Variants in CCR1 observed in about 807,000 individuals in gnomAD.
CCR1 encodes the protein C-C motif chemokine receptor 1, also known as C-C chemokine receptor type 1.
A neutral mutation model predicts 0.3 loss-of-function variants in CCR1; 1 was observed. The observed-to-expected ratio is 3.70, with a 90% confidence interval of 1.31 to 17.54. The LOEUF (loss-of-function observed/expected upper bound fraction) is 17.54, where lower values mean the gene tolerates loss of function less well. Ranked by LOEUF, CCR1 falls within the 30% of genes most tolerant of loss-of-function variation. The pLI is 0.11. For missense variants in CCR1, 349 were observed against 435.4 expected (o/e 0.80, Z 1.77); for synonymous variants, 207 against 182.5 (o/e 1.13, Z -1.08).
intron 1 of CCR1, among the ~76,000 whole-genome samples, chr3:46,204,890 G>A (rs1048004525): frequency 2.0e-5 from 3 of 152,154 alleles, no homozygotes; most frequent in East Asian, 1.9e-4. Flanking sequence ...TGCTGTCCCC[G>A]AGCAGTAGCT....
Position 46,203,826 on chromosome 3 carries a change from A to T in CCR1, c.488T>A (p.Leu163Ter). 6.2e-7 allele frequency: 1 copy of T among 1,614,222 alleles called. No individual in the cohort carries two copies. Among genetic ancestry groups the T allele is most frequent in the Non-Finnish European group, 8.5e-7 (1 of 1,180,034 alleles). The change falls in exon 2 of 2, where the codon TTG (leucine) becomes TAG (stop). Residue 163 changes from leucine (L) to a stop codon, truncating the protein, a stop_gained. Coordinates refer to ENST00000296140, the MANE Select transcript of CCR1 (RefSeq NM_001295.3). LOFTEE classifies it low-confidence loss of function (END_TRUNC). The surrounding 1 kb of genome is among the most constrained non-coding windows in gnomAD (Gnocchi z 4.5). Reference sequence around the variant, plus strand: ...AAAGTATAAGCCTGGCATGGAAGCCAAGATGGCCAGGGCCCAAATGATGAT... The same window carrying T: ...AAAGTATAAGCCTGGCATGGAAGCCTAGATGGCCAGGGCCCAAATGATGAT... Reference protein sequence around the residue: ...TSIIIWALAILASMPGLYFSK... With the variant: ...TSIIIWALAI
chr3:46,203,897 C>A lies in CCR1; in HGVS notation c.417G>T (p.Val139=). The change falls in exon 2 of 2, where the codon GTG becomes GTT. Residue 139 remains valine, a synonymous_variant. Transcript: ENST00000296140. This position sits in a 1 kb window ranked among gnomAD's most constrained non-coding sequence, Gnocchi z 4.5. ...TGACGGTCCGTGCCCGCAAGGCAAA[C>A]ACGGCGTGGACGATGGCCAGGTACC... ...IDRYLAIVHA[V]FALRARTVTF... 1 of 1,614,178 alleles carries A rather than the reference C, an allele frequency of 6.2e-7. No individual in the cohort carries two copies. The highest frequency in any genetic ancestry group is 8.5e-7 in the Non-Finnish European group (1 of 1,180,030).
chr3:46,207,111 A>G (rs1458598930), intron 1 of CCR1, among the ~76,000 whole-genome samples: 1 of 152,200 alleles, frequency 6.6e-6, no homozygotes, highest in African/African-American at 2.4e-5. Context: ...CAAATGTTAT[A>G]AAGCAGGGAT....
At position 46,203,332 on chromosome 3, in the gene CCR1, G is replaced by A. The variant is rs781769501; in HGVS notation, c.982C>T (p.Leu328Phe). Residue 328 changes from leucine to phenylalanine, a missense_variant, in exon 2 of 2, where the codon CTC (leucine) becomes TTC (phenylalanine). Leu to Phe is a conservative substitution (Grantham distance 22). Coordinates refer to ENST00000296140, the MANE Select transcript of CCR1 (RefSeq NM_001295.3). This position sits in a 1 kb window ranked among gnomAD's most constrained non-coding sequence, Gnocchi z 4.5. ...AGCCTGTCCACGGAGAGGAAGGGGA[G>A]CCATTTAACCAGGTGCACAGCCACA... ...RRVAVHLVKWLPFLSVDRLER... is the reference protein window; with the variant it reads ...RRVAVHLVKWFPFLSVDRLER... 17 of 1,614,188 alleles carry A rather than the reference G, an allele frequency of 1.1e-5. No individual in the cohort carries two copies. In the South Asian group the frequency reaches 1.8e-4, roughly 17 times the overall value.
At chr3:46,205,716 A>G (rs1248359988) in intron 1 of CCR1, among the ~76,000 whole-genome samples, 1 of 152,114 alleles carries the variant, frequency 6.6e-6, no homozygotes, top group Non-Finnish European at 1.5e-5. Flanking sequence ...TTGCAAGGCT[A>G]CTGTGAGGTA....
rs1200706699 is a variant in CCR1 at position 46,203,539 on chromosome 3, T to A, written c.775A>T (p.Ile259Leu). 1 of 1,614,070 alleles carries A rather than the reference T, an allele frequency of 6.2e-7. No individual in the cohort carries two copies. Among genetic ancestry groups the A allele is most frequent in the East Asian group, 2.2e-5 (1 of 44,874 alleles). The change falls in exon 2 of 2, where the codon ATA (isoleucine) becomes TTA (leucine). Residue 259 changes from isoleucine to leucine, a missense_variant. Coordinates refer to ENST00000296140, the MANE Select transcript of CCR1 (RefSeq NM_001295.3). The surrounding 1 kb of genome is among the most constrained non-coding windows in gnomAD (Gnocchi z 4.5). ...AAGTCTTGGAAAACAGAAATAAGTATAGTCAAATTGTAGGGGGTCCAAAAG... is the reference window on the plus strand; with the variant it reads ...AAGTCTTGGAAAACAGAAATAAGTAAAGTCAAATTGTAGGGGGTCCAAAAG... ...FLFWTPYNLT[I>L]LISVFQDFLF... is the part of the protein sequence containing the mutation.
At chr3:46,206,949 G>A (rs1168386514) in intron 1 of CCR1, among the ~76,000 whole-genome samples, 1 of 152,176 alleles carries the variant, frequency 6.6e-6, no homozygotes, top group Non-Finnish European at 1.5e-5. Context: ...AGAGCAGTCT[G>A]TGATGGTGAA....
rs1157316836 is a variant in CCR1, at chr3:46,203,234, C to T, written c.*12G>A. Reference sequence around the variant, plus strand: ...CGCCTGCTTATTTTGGGTTGGCCTCCTATGGTCTGAGTCAGAACCCAGCAG... The same window carrying T: ...CGCCTGCTTATTTTGGGTTGGCCTCTTATGGTCTGAGTCAGAACCCAGCAG... On this transcript the variant is annotated 3_prime_UTR_variant, in exon 2 of 2. Transcript: ENST00000296140. This position sits in a 1 kb window ranked among gnomAD's most constrained non-coding sequence, Gnocchi z 4.5. 2 of 1,600,342 alleles carry T rather than the reference C, an allele frequency of 1.2e-6. No homozygotes were observed. The highest frequency in any genetic ancestry group is 2.7e-5 in the African/African-American group (2 of 74,634).
chr3:46,204,725 C>T (rs564574346), intron 1 of CCR1, among the ~76,000 whole-genome samples: 2 of 152,140 alleles, frequency 1.3e-5, no homozygotes, highest in Non-Finnish European at 2.9e-5. Context: ...TGGAGGGGTC[C>T]CATTGTTGTT....
rs77943510 is a variant in CCR1, at chr3:46,207,960, G to A, written c.-12+322C>T. Among the ~76,000 whole-genome samples the A allele has an allele frequency of 2.0e-3, 301 of 152,172 alleles. 1 individual carries two copies. Among genetic ancestry groups the A allele is most frequent in the African/African-American group, 6.7e-3 (280 of 41,508 alleles). The stretch of plus-strand genomic sequence containing the variant: ...CCGCCAAGTAATTTCTTATTGAATA[G>A]GTTTCCACAGAAAACACCTTTTGTC... On this transcript the variant is annotated intron_variant, in intron 1 of 1. Transcript: ENST00000296140.
chr3:46,203,912 G>A lies in CCR1; in HGVS notation c.402C>T (p.Ala134=). ...IILLTIDRYL[A]IVHAVFALRA... Reference sequence around the variant, plus strand: ...GCAAGGCAAACACGGCGTGGACGATGGCCAGGTACCTGTCAATCGTCAGCA... The same window carrying A: ...GCAAGGCAAACACGGCGTGGACGATAGCCAGGTACCTGTCAATCGTCAGCA... The change falls in exon 2 of 2, where the codon GCC becomes GCT. Residue 134 remains alanine (A), a synonymous_variant. Transcript: ENST00000296140. The surrounding 1 kb of genome is among the most constrained non-coding windows in gnomAD (Gnocchi z 4.5). 1 of 1,614,158 alleles carries A rather than the reference G, an allele frequency of 6.2e-7. No individual in the cohort carries two copies. Among genetic ancestry groups the A allele is most frequent in the Non-Finnish European group, 8.5e-7 (1 of 1,180,040 alleles).
At position 46,203,626 on chromosome 3, in the gene CCR1, G is replaced by T; in HGVS notation, c.688C>A (p.Pro230Thr). 6.2e-7 allele frequency: 1 copy of T among 1,614,186 alleles called. No homozygotes were observed. The highest frequency in any genetic ancestry group is 8.5e-7 in the Non-Finnish European group (1 of 1,180,028). ...ACAGCTTTGGATTTCTTCTCATTTG[G>T]TCGTCTTAGCAGAATCTTTATAATC... ...TGIIKILLRR[P>T]NEKKSKAVRL... is the part of the protein sequence containing the mutation. The change falls in exon 2 of 2, where the codon CCA becomes ACA. Residue 230 changes from proline to threonine, a missense_variant. Physicochemically the swap from Pro to Thr is conservative, Grantham distance 38. Transcript: ENST00000296140. The surrounding 1 kb of genome is among the most constrained non-coding windows in gnomAD (Gnocchi z 4.5).
intron 1 of CCR1, among the ~76,000 whole-genome samples, chr3:46,205,408 T>C (rs1699638324): frequency 6.6e-6 from 1 of 152,194 alleles, no homozygotes; most frequent in African/African-American, 2.4e-5. Flanking sequence ...TATGAGGTGA[T>C]GTTACACAGT....
rs1699624844 is a variant in CCR1 at position 46,204,070 on chromosome 3, G to A, written c.244C>T (p.Leu82Phe). 1 of 1,614,190 alleles carries A rather than the reference G, an allele frequency of 6.2e-7. No individual in the cohort carries two copies. The highest frequency in any genetic ancestry group is 2.2e-5 in the East Asian group (1 of 44,876). The change falls in exon 2 of 2, where the codon CTC becomes TTC. Residue 82 changes from leucine to phenylalanine, a missense_variant. By Grantham distance (22) the Leu-to-Phe change is conservative (BLOSUM62 0). Transcript: ENST00000296140. ...YLLNLAISDL[L>F]FLFTLPFWID... is the part of the protein sequence containing the mutation. ...CAGAAGGGAAGCGTGAACAGGAAGA[G>A]CAGGTCAGAAATGGCCAGGTTCAGG...
At position 46,204,233 on chromosome 3, in the gene CCR1, C is replaced by T; in HGVS notation, c.81G>A (p.Val27=). The change falls in exon 2 of 2, where the codon GTG becomes GTA. Residue 27 remains valine, a synonymous_variant. Transcript: ENST00000296140. The stretch of plus-strand genomic sequence containing the variant: ...GTTGGGCCCCAAAGGCCCTCTCGTT[C>T]ACCTTCTGGCACGGAGTTGCATCCC... ...DYGDATPCQK[V]NERAFGAQLL... 1.2e-6 allele frequency: 2 copies of T among 1,613,980 alleles called. No homozygotes were observed. The highest frequency in any genetic ancestry group is 1.7e-6 in the Non-Finnish European group (2 of 1,179,970).
Position 46,202,150 on chromosome 3 carries a change from T to C in CCR1, c.*1096A>G, listed in dbSNP as rs1699601283. The C allele has an allele frequency of 6.6e-6, 1 of 152,062 alleles. No homozygotes were observed. The allele number at this position is 152,062 out of a possible 1,614,324, so 9.4% of individuals were successfully genotyped here. Reference sequence around the variant, plus strand: ...ACAGAATCTCACCCCACCCTCCTAGTAGACACTTTCCTCCCAACCCCCTAT... The same window carrying C: ...ACAGAATCTCACCCCACCCTCCTAGCAGACACTTTCCTCCCAACCCCCTAT... On this transcript the variant is annotated 3_prime_UTR_variant, in exon 2 of 2. Coordinates refer to ENST00000296140, the MANE Select transcript of CCR1 (RefSeq NM_001295.3).
intron 1 of CCR1, among the ~76,000 whole-genome samples, chr3:46,205,538 A>G (rs1699640400): frequency 6.6e-6 from 1 of 152,220 alleles, no homozygotes. Flanking sequence ...GACTTCTCCC[A>G]GTCCCTGCTT....
intron 1 of CCR1, among the ~76,000 whole-genome samples, chr3:46,207,629 TG>T (rs1301454118): frequency 1.4e-5 from 2 of 141,434 alleles, no homozygotes; most frequent in East Asian, 4.4e-4. Flanking sequence ...TTCCTTTACA[TG>T]GGGGAATTTG....
chr3:46,207,591 A>G (rs1439843358), intron 1 of CCR1, among the ~76,000 whole-genome samples: 1 of 152,024 alleles, frequency 6.6e-6, no homozygotes, highest in Non-Finnish European at 1.5e-5. Flanking sequence ...CCCTCTTGCT[A>G]TAATTTCTTC....
Sources: gnomAD v4.1 joint callset for allele counts (sites outside exome capture counted in the v4.1 genomes callset) on GRCh38, gnomAD v4.1.1 for gene constraint, Gnocchi (gnomAD v3.1) non-coding constraint, MANE v1.5 for transcripts, NCBI Gene and HGNC (gene_info 2026-07-23, HGNC 2026-07-21) for gene names.